Variants in SOBP observed in about 807,000 individuals in gnomAD.
SOBP encodes the protein sine oculis-binding protein homolog.
In SOBP, 4 loss-of-function variants were observed where a neutral mutation model predicts 53.6. The observed-to-expected ratio is 0.07, with a 90% CI of 0.04 to 0.17. SOBP has a LOEUF of 0.17. SOBP is among the 10% of genes least tolerant of loss of function. The pLI is 1.00. For missense variants in SOBP, 1,088 were observed against 1,204.7 expected (o/e 0.90, Z 1.43); for synonymous variants, 584 against 522.6 (o/e 1.12, Z -1.60).
At chr6:107,609,668 G>C (rs1209427799) in intron 5 of SOBP, among the ~76,000 whole-genome samples, 2 of 152,170 alleles carry the variant, frequency 1.3e-5, no homozygotes, top group Admixed American at 6.5e-5. Context: ...TGGCAGCCCT[G>C]GTGAGGGGGT....
chr6:107,547,857 C>T (rs1040856662), intron 4 of SOBP, among the ~76,000 whole-genome samples: 10 of 152,160 alleles, frequency 6.6e-5, no homozygotes, highest in East Asian at 3.8e-4. Flanking sequence ...TGTCATGCTT[C>T]GGGGTCCAAG....
chr6:107,634,494 G>A lies in SOBP; in HGVS notation c.1650G>A (p.Lys550=), dbSNP rs765933953. The A allele has an allele frequency of 3.7e-6, 6 of 1,611,566 alleles. No homozygotes were observed. The highest frequency in any genetic ancestry group is 5.1e-6 in the Non-Finnish European group (6 of 1,179,870). The change falls in exon 6 of 7, where the codon AAG becomes AAA. Residue 550 remains lysine, a synonymous_variant. Transcript: ENST00000317357. This position sits in a 1 kb window ranked among gnomAD's most constrained non-coding sequence, Gnocchi z 4.5. The part of the protein sequence containing the change: ...PIPIPHVSDS[K]PPNGFSSNGE... Reference sequence around the variant, plus strand: ...CTATCCCTCACGTCAGCGACTCCAAGCCCCCCAACGGGTTCTCCAGCAACG... The same window carrying A: ...CTATCCCTCACGTCAGCGACTCCAAACCCCCCAACGGGTTCTCCAGCAACG...
chr6:107,522,088 C>G (rs1487659682), intron 3 of SOBP, among the ~76,000 whole-genome samples: 1 of 152,004 alleles, frequency 6.6e-6, no homozygotes, highest in African/African-American at 2.4e-5. Flanking sequence ...ATCAGTAGGA[C>G]TAAACTGGCA....
intron 4 of SOBP, among the ~76,000 whole-genome samples, chr6:107,560,547 C>T (rs1002260060): frequency 4.6e-5 from 7 of 152,160 alleles, no homozygotes; most frequent in Admixed American, 1.3e-4. Flanking sequence ...AGGTAGCATC[C>T]TCTTCATACA....
In SOBP at chr6:107,498,282, T is replaced by C. The variant is rs117017761; in HGVS notation, c.97-5375T>C. The stretch of plus-strand genomic sequence containing the variant: ...GACTTGCCCCTCATTGGGTGAGTGA[T>C]TGGGGGCTCTTTGAATACTTCCTGC... On this transcript the variant is annotated intron_variant, in intron 1 of 6. Coordinates refer to ENST00000317357, the MANE Select transcript of SOBP (RefSeq NM_018013.4). Among the ~76,000 whole-genome samples, 1,120 of 152,278 alleles carry C rather than the reference T, an allele frequency of 7.4e-3. 40 individuals carry two copies. In the East Asian group the frequency reaches 0.1, roughly 14 times the overall value.
intron 5 of SOBP, among the ~76,000 whole-genome samples, chr6:107,591,968 G>GTTTTTGTTTT (rs1785765862): frequency 1.1e-5 from 1 of 88,638 alleles, no homozygotes; most frequent in African/African-American, 4.4e-5. Flanking sequence ...GTCTTTTGGT[G>GTTTTTGTTTT]TTTTTTTTTT....
intron 6 of SOBP, among the ~76,000 whole-genome samples, chr6:107,644,419 G>A (rs1178812920): frequency 6.6e-6 from 1 of 152,182 alleles, no homozygotes; most frequent in African/African-American, 2.4e-5. Flanking sequence ...ATTTATTGGT[G>A]GTTGGATTGA....
At chr6:107,544,013 A>G (rs1236657573) in intron 4 of SOBP, among the ~76,000 whole-genome samples, 1 of 152,342 alleles carries the variant, frequency 6.6e-6, no homozygotes, top group African/African-American at 2.4e-5. Flanking sequence ...ACAGCAGCAG[A>G]TAGCTCAGAA....
At chr6:107,575,499 G>T in intron 4 of SOBP, among the ~76,000 whole-genome samples, 1 of 152,098 alleles carries the variant, frequency 6.6e-6, no homozygotes, top group East Asian at 1.9e-4. Context: ...GAGAGACCAA[G>T]GTGCAGAGGA....
chr6:107,507,014 C>T (rs1027421620), intron 3 of SOBP, among the ~76,000 whole-genome samples: 3 of 149,798 alleles, frequency 2.0e-5, no homozygotes, highest in African/African-American at 2.5e-5. Flanking sequence ...TGCAGTGAGC[C>T]GAGATCACGC....
At chr6:107,536,710 G>A (rs1235612503) in intron 4 of SOBP, among the ~76,000 whole-genome samples, 3 of 152,088 alleles carry the variant, frequency 2.0e-5, no homozygotes, top group African/African-American at 7.2e-5. Context: ...GGATTGCTAC[G>A]AATATTAGGC....
intron 4 of SOBP, among the ~76,000 whole-genome samples, chr6:107,574,956 G>A (rs959354056): frequency 2.6e-5 from 4 of 152,196 alleles, no homozygotes; most frequent in Non-Finnish European, 4.4e-5. Flanking sequence ...AAGGATGTGA[G>A]GGTTTGAGCC....
Position 107,609,635 on chromosome 6 carries a change from C to A in SOBP, c.669+22460C>A, listed in dbSNP as rs1237311936. On this transcript the variant is annotated intron_variant, in intron 5 of 6. Transcript: ENST00000317357. ...TTCCTGCTTGATCTTGAGGGTCTTTCAGGCTGAGGTAGTAAGTGGTGTTGG... is the reference window on the plus strand; with the variant it reads ...TTCCTGCTTGATCTTGAGGGTCTTTAAGGCTGAGGTAGTAAGTGGTGTTGG... Among the ~76,000 whole-genome samples, 3 of 152,170 alleles carry A rather than the reference C, an allele frequency of 2.0e-5. No individual in the cohort carries two copies. The East Asian group carries it at 5.8e-4, about 29-fold the overall frequency.
chr6:107,534,048 C>G (rs1783920691), intron 4 of SOBP, among the ~76,000 whole-genome samples: 1 of 152,204 alleles, frequency 6.6e-6, no homozygotes, highest in Non-Finnish European at 1.5e-5. Context: ...TTGCTCTTTT[C>G]AAAATCTGGC....
chr6:107,625,102 A>G (rs846974), intron 5 of SOBP, among the ~76,000 whole-genome samples: 5,752 of 152,290 alleles, frequency 0.038, 385 homozygotes, highest in African/African-American at 0.13. Flanking sequence ...TGGAGGTTCA[A>G]TGAGGAAATT....
intron 4 of SOBP, among the ~76,000 whole-genome samples, chr6:107,535,638 T>TGTGG (rs201971072): frequency 1.5e-5 from 2 of 129,334 alleles, no homozygotes; most frequent in African/African-American, 8.0e-5. Context: ...TGTGTGTGTG[T>TGTGG]TTTTTTTTTT....
chr6:107,491,655 C>G (rs1199837891), intron 1 of SOBP, among the ~76,000 whole-genome samples: 1 of 151,930 alleles, frequency 6.6e-6, no homozygotes, highest in Non-Finnish European at 1.5e-5. Flanking sequence ...TTTCACGAGT[C>G]TCTATTGATA....
In SOBP at chr6:107,533,183, T is replaced by A. The variant is rs1209891272; in HGVS notation, c.422-276T>A. Reference sequence around the variant, plus strand: ...GATGAAGCTTTTTTTTTTTTTTTTTTAAACCAGGCTAAGAAGCCCTAGGAG... The same window carrying A: ...GATGAAGCTTTTTTTTTTTTTTTTTAAAACCAGGCTAAGAAGCCCTAGGAG... On this transcript the variant is annotated intron_variant, in intron 3 of 6. Transcript: ENST00000317357. Among the ~76,000 whole-genome samples the A allele has an allele frequency of 2.5e-3, 348 of 140,302 alleles. 2 individuals carry two copies. Among genetic ancestry groups the A allele is most frequent in the African/African-American group, 9.0e-3 (335 of 37,334 alleles). The allele number at this position is 140,302 out of a possible 152,430, so 92.0% of individuals were successfully genotyped here. A position where few individuals can be genotyped will look rare whatever the true frequency, so the allele number is the denominator to read the frequency against.
At chr6:107,647,484 G>T (rs545423636) in intron 6 of SOBP, among the ~76,000 whole-genome samples, 1 of 152,186 alleles carries the variant, frequency 6.6e-6, no homozygotes, top group Non-Finnish European at 1.5e-5. Flanking sequence ...TACCTGGCTC[G>T]TAGTAGATGC....
Sources: gnomAD v4.1 joint callset for allele counts (sites outside exome capture counted in the v4.1 genomes callset) on GRCh38, gnomAD v4.1.1 for gene constraint, Gnocchi (gnomAD v3.1) non-coding constraint, MANE v1.5 for transcripts, NCBI Gene and HGNC (gene_info 2026-07-23, HGNC 2026-07-21) for gene names.